Variants in TEC observed in about 807,000 individuals in gnomAD.
TEC encodes tec protein tyrosine kinase.
TEC carries 72 observed loss-of-function variants against 93.0 expected under a neutral mutation model. The observed-to-expected ratio is 0.77, with a 90% CI of 0.64 to 0.94. The LOEUF is 0.94. Ranked by LOEUF, TEC falls within the 40% of genes least tolerant of loss-of-function variation. The probability of loss-of-function intolerance (pLI) is 0.00; values close to 1 mark genes in which losing one functional copy is unlikely to be tolerated. For synonymous variants in TEC, 249 were observed against 247.7 expected (o/e 1.01, Z -0.05); for missense variants, 630 against 757.9 (o/e 0.83, Z 1.98).
chr4:48,236,024 T>C (rs978718391), intron 1 of TEC, among the ~76,000 whole-genome samples: 21 of 152,110 alleles, frequency 1.4e-4, no homozygotes, highest in Admixed American at 9.8e-4. Context: ...TTTAATGAGG[T>C]GTCACTTCCA....
At chr4:48,204,943 A>G (rs1255732204) in intron 2 of TEC, among the ~76,000 whole-genome samples, 1 of 152,114 alleles carries the variant, frequency 6.6e-6, no homozygotes, top group African/African-American at 2.4e-5. Context: ...CAAATCATCA[A>G]ACCTGGCGGT....
intron 2 of TEC, among the ~76,000 whole-genome samples, chr4:48,203,895 G>A (rs1387087922): frequency 6.6e-6 from 1 of 152,218 alleles, no homozygotes; most frequent in Non-Finnish European, 1.5e-5. Context: ...GACACAGGGA[G>A]GAGCTGAGTA....
In TEC at chr4:48,150,247, C is replaced by A. The variant is rs73814677; in HGVS notation, c.873-557G>T. On this transcript the variant is annotated intron_variant, in intron 10 of 17. Transcript: ENST00000381501. ...CCTCCCTTCACTCTGTGCTCCCATT[C>A]TACCTGCAGCTACAACATACTTTTC... Among the ~76,000 whole-genome samples, 333 of 152,274 alleles carry A rather than the reference C, an allele frequency of 2.2e-3. 3 individuals carry two copies. The highest frequency in any genetic ancestry group is 7.7e-3 in the African/African-American group (321 of 41,556).
intron 3 of TEC, among the ~76,000 whole-genome samples, chr4:48,175,652 G>A (rs1721295092): frequency 6.6e-6 from 1 of 152,118 alleles, no homozygotes. Flanking sequence ...TTTAACAGGT[G>A]AGCACTGATT....
rs1486255239 is a variant in TEC, at chr4:48,183,857, A to G, written c.139-7671T>C. Among the ~76,000 whole-genome samples, 5 of 152,176 alleles carry G rather than the reference A, an allele frequency of 3.3e-5. No individual in the cohort carries two copies. In the East Asian group the frequency reaches 9.6e-4, roughly 29 times the overall value. On this transcript the variant is annotated intron_variant, in intron 2 of 17. Transcript: ENST00000381501. ...AATACAAACTCACTCCCCAAATAGT[A>G]GCATATACTGTCAGTTTTCACAGTA...
intron 5 of TEC, among the ~76,000 whole-genome samples, 181 bp from the exon 6 acceptor site, chr4:48,168,807 T>C (rs1396629312): frequency 2.0e-5 from 3 of 152,362 alleles, no homozygotes; most frequent in East Asian, 1.9e-4. Context: ...ACTGCTATTA[T>C]AGCTGGTTTG....
At chr4:48,171,995 A>G (rs1721132898) in intron 3 of TEC, among the ~76,000 whole-genome samples, 2 of 152,226 alleles carry the variant, frequency 1.3e-5, no homozygotes, top group Non-Finnish European at 2.9e-5. Context: ...GTGTAACTTC[A>G]GCAGATACCA....
intron 8 of TEC, among the ~76,000 whole-genome samples, chr4:48,158,190 C>A (rs1239837443): frequency 6.6e-6 from 1 of 152,110 alleles, no homozygotes; most frequent in East Asian, 1.9e-4. Context: ...CCTTCCCTGA[C>A]TAAAGAAGGG....
At position 48,265,491 on chromosome 4, in the gene TEC, A is replaced by ATGTG. The variant is rs201384355; in HGVS notation, c.-46+4257_-46+4260dup. ...CACACATATATACGTGTGTGTATAT[A>ATGTG]TGTGTGTATATATATATATATATAT... is the stretch of plus-strand genomic sequence containing the variant. On this transcript the variant is annotated intron_variant, in intron 1 of 17. Coordinates refer to ENST00000381501, the MANE Select transcript of TEC (RefSeq NM_003215.3). 6.0e-3 allele frequency among the ~76,000 whole-genome samples: 774 copies of ATGTG among 128,442 alleles called. 2 individuals carry two copies. The highest frequency in any genetic ancestry group is 8.5e-3 in the Middle Eastern group (2 of 236). The allele number at this position is 128,442 out of a possible 152,430, so 84.3% of individuals were successfully genotyped here.
intron 2 of TEC, among the ~76,000 whole-genome samples, chr4:48,215,764 T>C (rs1387920319): frequency 2.0e-5 from 3 of 152,118 alleles, no homozygotes; most frequent in East Asian, 1.9e-4. Flanking sequence ...ATAACAACCA[T>C]ATTATTGACA....
Position 48,136,623 on chromosome 4 carries a change from G to A in TEC, c.*793C>T, listed in dbSNP as rs1423197012. On this transcript the variant is annotated 3_prime_UTR_variant, in exon 18 of 18. Transcript: ENST00000381501. The stretch of plus-strand genomic sequence containing the variant: ...TGGTTAAGCTGGACAGGCATCCCCA[G>A]ACACATTTACCTGAGTGAGGAGGGG... 1 of 152,152 alleles carries A rather than the reference G, an allele frequency of 6.6e-6. No individual in the cohort carries two copies. The highest frequency in any genetic ancestry group is 1.5e-5 in the Non-Finnish European group (1 of 68,022). The allele number at this position is 152,152 out of a possible 1,614,324, so 9.4% of individuals were successfully genotyped here.
intron 1 of TEC, among the ~76,000 whole-genome samples, chr4:48,251,594 G>A (rs75751290): frequency 0.031 from 4,752 of 152,224 alleles, 111 homozygotes; most frequent in Non-Finnish European, 0.044. Flanking sequence ...TCACCACTGG[G>A]TCCTCAGCTC....
chr4:48,221,754 G>C (rs1170947402), intron 2 of TEC, among the ~76,000 whole-genome samples: 1 of 152,100 alleles, frequency 6.6e-6, no homozygotes, highest in African/African-American at 2.4e-5. Context: ...AGGTTGGAGG[G>C]TAGGGCTGAA....
At chr4:48,206,025 C>T (rs1451371965) in intron 2 of TEC, among the ~76,000 whole-genome samples, 1 of 152,170 alleles carries the variant, frequency 6.6e-6, no homozygotes, top group Non-Finnish European at 1.5e-5. Context: ...ATATATGCTA[C>T]AACTTGAATG....
intron 2 of TEC, among the ~76,000 whole-genome samples, chr4:48,209,242 T>G (rs1201059308): frequency 1.3e-5 from 2 of 152,178 alleles, no homozygotes; most frequent in Non-Finnish European, 2.9e-5. Context: ...CAGTAGAAAA[T>G]AACCCTTCCA....
intron 12 of TEC, 43 bp from the exon 13 acceptor site, chr4:48,145,622 A>ATT: frequency 6.2e-7 from 1 of 1,601,970 alleles, no homozygotes; most frequent in Non-Finnish European, 8.5e-7. Context: ...AAAAAGGAAA[A>ATT]TGTAGCATGA....
intron 2 of TEC, among the ~76,000 whole-genome samples, chr4:48,211,691 T>C (rs773159325): frequency 2.6e-5 from 4 of 152,222 alleles, no homozygotes; most frequent in African/African-American, 4.8e-5. Context: ...ACTTGTGAGT[T>C]TTCTTTAAGA....
rs569965489 is a variant in TEC at position 48,167,028 on chromosome 4, A to C, written c.671+750T>G. On this transcript the variant is annotated intron_variant, in intron 7 of 17. Transcript: ENST00000381501. ...CTCCTCTTCTCATCCACTGGAACTCAGAGTATAAGTGGGATTGCACTGCAG... is the reference window on the plus strand; with the variant it reads ...CTCCTCTTCTCATCCACTGGAACTCCGAGTATAAGTGGGATTGCACTGCAG... Among the ~76,000 whole-genome samples the C allele has an allele frequency of 1.1e-4, 16 of 152,144 alleles. No individual in the cohort carries two copies. The South Asian group carries it at 2.9e-3, about 28-fold the overall frequency.
chr4:48,141,686 T>C (rs1719677826), intron 14 of TEC: 3 of 71,824 alleles, frequency 4.2e-5, no homozygotes, highest in East Asian at 2.9e-4. Context: ...CTTTTCTTTC[T>C]TTTTTTTTTT....
Sources: gnomAD v4.1 joint callset for allele counts (sites outside exome capture counted in the v4.1 genomes callset) on GRCh38, gnomAD v4.1.1 for gene constraint, MANE v1.5 for transcripts, NCBI Gene and HGNC (gene_info 2026-07-23, HGNC 2026-07-21) for gene names.